The following EYS variants were observed in gnomAD, a reference collection of about 807,000 sequenced individuals.
EYS encodes the protein EGF-like photoreceptor maintenance factor.
A neutral mutation model predicts 282.1 loss-of-function variants in EYS; 250 were observed. The ratio of observed to expected loss-of-function variants is 0.89; its 90% CI spans 0.80 to 0.98. The LOEUF is 0.98. Among genes scored for constraint, EYS ranks in the 50% least tolerant of loss-of-function variants. The pLI is 0.00. For missense variants in EYS, 4,016 were observed against 3,709.0 expected, an observed-to-expected ratio of 1.08 and a Z score of -2.15; for synonymous variants, 1,355 against 1,282.9, an observed-to-expected ratio of 1.06 and a Z score of -1.20.
chr6:64,949,528 G>C (rs1769408025), intron 14 of EYS, among the ~76,000 whole-genome samples: 1 of 151,802 alleles, frequency 6.6e-6, no homozygotes. Context: ...GTTACCTCTT[G>C]TTTTGTTAAA....
chr6:64,838,617 T>TACACAAACAC (rs142550879), intron 19 of EYS, among the ~76,000 whole-genome samples: 6 of 149,608 alleles, frequency 4.0e-5, no homozygotes, highest in Non-Finnish European at 5.9e-5. Flanking sequence ...TCTGTTTCTC[T>TACACAAACAC]ACACACACAC....
intron 5 of EYS, among the ~76,000 whole-genome samples, chr6:65,469,219 T>C (rs1459256985): frequency 6.6e-6 from 1 of 151,998 alleles, no homozygotes; most frequent in East Asian, 1.9e-4. Context: ...CCTTATATAA[T>C]ACATCAAATT....
At chr6:65,074,040 G>T (rs1773976476) in intron 12 of EYS, among the ~76,000 whole-genome samples, 1 of 151,968 alleles carries the variant, frequency 6.6e-6, no homozygotes, top group Non-Finnish European at 1.5e-5. Flanking sequence ...CTAGGTGGTA[G>T]TTATAAGAGT....
At chr6:65,190,856 A>G (rs1263333756) in intron 12 of EYS, among the ~76,000 whole-genome samples, 2 of 151,866 alleles carry the variant, frequency 1.3e-5, no homozygotes, top group African/African-American at 2.4e-5. Context: ...CAAGACATGC[A>G]TGATAACATG....
At chr6:64,036,639 A>G (rs1770135616) in intron 33 of EYS, among the ~76,000 whole-genome samples, 1 of 152,206 alleles carries the variant, frequency 6.6e-6, no homozygotes. Flanking sequence ...AGAGAAAAGG[A>G]TAGTTTGAGT....
chr6:65,461,636 T>G (rs934455357), intron 5 of EYS, among the ~76,000 whole-genome samples: 6 of 150,760 alleles, frequency 4.0e-5, no homozygotes, highest in African/African-American at 7.5e-5. Flanking sequence ...TCTTTTTCCT[T>G]GATCAGCCCT....
chr6:64,854,283 A>G (rs1251458105), intron 19 of EYS, among the ~76,000 whole-genome samples: 1 of 152,128 alleles, frequency 6.6e-6, no homozygotes, highest in African/African-American at 2.4e-5. Context: ...TCATGCTGCT[A>G]TAAAGACACA....
chr6:64,775,346 T>A (rs1773647119), intron 22 of EYS, among the ~76,000 whole-genome samples: 1 of 151,964 alleles, frequency 6.6e-6, no homozygotes, highest in African/African-American at 2.4e-5. Context: ...TTTGACATGC[T>A]TTTACCTCAA....
intron 22 of EYS, among the ~76,000 whole-genome samples, chr6:64,749,278 C>T (rs1050196468): frequency 6.6e-6 from 1 of 152,126 alleles, no homozygotes; most frequent in African/African-American, 2.4e-5. Context: ...ACCTTTTGTA[C>T]ACCATTTGAT....
At chr6:64,229,000 C>T (rs966085205) in intron 31 of EYS, among the ~76,000 whole-genome samples, 11 of 152,126 alleles carry the variant, frequency 7.2e-5, no homozygotes, top group African/African-American at 2.4e-4. Context: ...AGGCCAGTCA[C>T]AGTGACTCAC....
At chr6:65,676,594 G>A (rs1368039163) in intron 1 of EYS, among the ~76,000 whole-genome samples, 4 of 151,664 alleles carry the variant, frequency 2.6e-5, no homozygotes, top group Non-Finnish European at 5.9e-5. Flanking sequence ...TAAAGTCTAG[G>A]ACTAGATGGC....
chr6:65,007,706 C>A (rs1771726570), intron 13 of EYS, among the ~76,000 whole-genome samples: 1 of 152,084 alleles, frequency 6.6e-6, no homozygotes, highest in Admixed American at 6.6e-5. Context: ...AACAATTAAC[C>A]AAAGAGTGCC....
At chr6:65,008,252 T>C (rs1294502913) in intron 13 of EYS, among the ~76,000 whole-genome samples, 1 of 152,080 alleles carries the variant, frequency 6.6e-6, no homozygotes, top group East Asian at 1.9e-4. Flanking sequence ...AGGGAGGCGT[T>C]GAGGAAGCAT....
At chr6:64,655,409 T>C (rs1339774594) in intron 22 of EYS, among the ~76,000 whole-genome samples, 2 of 152,084 alleles carry the variant, frequency 1.3e-5, no homozygotes, top group Admixed American at 1.3e-4. Flanking sequence ...CTACAAAGTG[T>C]CTAAATTTAT....
chr6:64,062,637 G>T (rs1771215054), intron 33 of EYS, among the ~76,000 whole-genome samples: 1 of 147,840 alleles, frequency 6.8e-6, no homozygotes, highest in Non-Finnish European at 1.5e-5. Flanking sequence ...GTTGCAGTGA[G>T]CCGAGATCGC....
intron 40 of EYS, among the ~76,000 whole-genome samples, chr6:63,777,208 T>A (rs1770087329): frequency 6.6e-6 from 1 of 152,160 alleles, no homozygotes; most frequent in Non-Finnish European, 1.5e-5. Flanking sequence ...AGGGGATTTG[T>A]TCAGGGAGAG....
intron 30 of EYS, among the ~76,000 whole-genome samples, chr6:64,270,634 C>G (rs897279823): frequency 6.6e-6 from 1 of 152,050 alleles, no homozygotes; most frequent in Admixed American, 6.6e-5. Context: ...GATTATAGAA[C>G]TTGTAATAGC....
At position 63,980,596 on chromosome 6, in the gene EYS, G is replaced by A. The variant is rs189587914; in HGVS notation, c.7055+3787C>T. On this transcript the variant is annotated intron_variant, in intron 35 of 42. Transcript: ENST00000503581. ...TGTAAGCCTATAAGGAATTTCATCA[G>A]GCCATCTTGTCCATCCTCCCTGAAT... Among the ~76,000 whole-genome samples the A allele has an allele frequency of 1.6e-3, 241 of 151,908 alleles. 1 individual carries two copies. Among genetic ancestry groups the A allele is most frequent in the African/African-American group, 5.2e-3 (217 of 41,492 alleles).
At chr6:64,020,604 A>T (rs905355561) in intron 33 of EYS, among the ~76,000 whole-genome samples, 1 of 152,166 alleles carries the variant, frequency 6.6e-6, no homozygotes, top group Non-Finnish European at 1.5e-5. Context: ...TTCCTTTCAC[A>T]TGTGATATTT....
Sources: allele counts gnomAD v4.1 joint callset (sites outside exome capture counted in the v4.1 genomes callset), GRCh38; gene constraint gnomAD v4.1.1; transcripts MANE v1.5; gene names NCBI Gene and HGNC (gene_info 2026-07-23, HGNC 2026-07-21).